PC: variants seen among roughly 807,000 people sequenced by gnomAD.
The protein encoded by PC is pyruvate carboxylase.
PC carries 46 observed loss-of-function variants against 107.8 expected under a neutral mutation model. The observed-to-expected ratio is 0.43, with a 90% confidence interval of 0.34 to 0.55. The LOEUF (loss-of-function observed/expected upper bound fraction) is 0.55, where lower values mean the gene tolerates loss of function less well. Among genes scored for constraint, PC ranks in the 20% least tolerant of loss-of-function variants. The probability of loss-of-function intolerance (pLI) is 0.04; values close to 1 mark genes in which losing one functional copy is unlikely to be tolerated. For missense variants in PC, 1,241 were observed against 1,643.1 expected (o/e 0.76, Z 4.23); for synonymous variants, 662 against 684.7 (o/e 0.97, Z 0.52).
chr11:66,922,185 G>A (rs1167101528), intron 3 of PC, among the ~76,000 whole-genome samples: 1 of 152,206 alleles, frequency 6.6e-6, no homozygotes, highest in Non-Finnish European at 1.5e-5. Context: ...AGAAAGATGA[G>A]GAGACAGCTA....
chr11:66,880,935 C>T (rs560396176), intron 3 of PC, among the ~76,000 whole-genome samples: 1 of 152,330 alleles, frequency 6.6e-6, no homozygotes, highest in South Asian at 2.1e-4. Flanking sequence ...AGAGCCGTTT[C>T]CTGCTCCCTC....
At chr11:66,886,672 G>T (rs1347410031) in intron 3 of PC, among the ~76,000 whole-genome samples, 1 of 152,150 alleles carries the variant, frequency 6.6e-6, no homozygotes, top group African/African-American at 2.4e-5. Context: ...AGCAGGGAAG[G>T]GTGGCCCTGG....
chr11:66,949,200 G>T (rs1949379184), intron 3 of PC, among the ~76,000 whole-genome samples: 1 of 151,046 alleles, frequency 6.6e-6, no homozygotes, highest in Non-Finnish European at 1.5e-5. Flanking sequence ...CACCATGTTG[G>T]CCAGGATGGT....
At chr11:66,891,143 G>T (rs1436800529) in intron 3 of PC, among the ~76,000 whole-genome samples, 1 of 151,808 alleles carries the variant, frequency 6.6e-6, no homozygotes, top group Non-Finnish European at 1.5e-5. Context: ...TGCAACTTCC[G>T]CCTCCCAGGT....
intron 3 of PC, among the ~76,000 whole-genome samples, chr11:66,943,587 TGC>T (rs1949202041): frequency 8.8e-5 from 13 of 147,620 alleles, no homozygotes; most frequent in Admixed American, 8.8e-4. Flanking sequence ...CTACTAAAAA[TGC>T]AAAAAAAAAA....
intron 10 of PC, among the ~76,000 whole-genome samples, chr11:66,867,761 G>A (rs147437536): frequency 1.4e-3 from 219 of 152,356 alleles, no homozygotes; most frequent in African/African-American, 5.1e-3. Context: ...ACCCAAGACC[G>A]AGGAGTTCAC....
intron 3 of PC, among the ~76,000 whole-genome samples, chr11:66,935,220 C>T (rs1375394063): frequency 6.6e-6 from 1 of 152,144 alleles, no homozygotes; most frequent in African/African-American, 2.4e-5. Context: ...ACTGAGAAAA[C>T]GCAGGATTAG....
chr11:66,905,604 C>A (rs751408323), intron 3 of PC, among the ~76,000 whole-genome samples: 2 of 152,148 alleles, frequency 1.3e-5, no homozygotes, highest in Non-Finnish European at 1.5e-5. Context: ...ATACATGCTA[C>A]AAATTAATAA....
rs980024367 is a variant in PC, at chr11:66,850,746, T to A, written c.2401A>T (p.Met801Leu). Reference protein sequence around the residue: ...ADVVDVAADSMSGMTSQPSMG... With the variant: ...ADVVDVAADSLSGMTSQPSMG... ...CTGGGCTGTGAAGTCATCCCAGACA[T>A]GGAATCAGCTGCCACATCCACCACA... is the stretch of plus-strand genomic sequence containing the variant. Residue 801 changes from methionine to leucine, a missense_variant, in exon 18 of 23, where the codon ATG becomes TTG. Transcript: ENST00000393960. 1 of 1,611,262 alleles carries A rather than the reference T, an allele frequency of 6.2e-7. No homozygotes were observed. The highest frequency in any genetic ancestry group is 1.3e-5 in the African/African-American group (1 of 74,886).
Position 66,894,470 on chromosome 11 carries a change from T to C in PC, c.1-22311A>G, listed in dbSNP as rs181678430. Among the ~76,000 whole-genome samples the C allele has an allele frequency of 5.5e-3, 839 of 152,248 alleles. 3 individuals carry two copies. Among genetic ancestry groups the C allele is most frequent in the Non-Finnish European group, 8.3e-3 (564 of 68,006 alleles). On this transcript the variant is annotated intron_variant, in intron 3 of 22. Transcript: ENST00000393960. ...GAAATCCCACTAAGACTTCAGCAAA[T>C]ATATATATATTTTTAAAGCTATGAA... is the stretch of plus-strand genomic sequence containing the variant.
chr11:66,859,378 A>G (rs1436077134), intron 12 of PC, among the ~76,000 whole-genome samples: 1 of 152,058 alleles, frequency 6.6e-6, no homozygotes, highest in Non-Finnish European at 1.5e-5. Flanking sequence ...TCTGAAGCAC[A>G]TGGCCCGCGC....
chr11:66,947,492 C>T (rs573654674), intron 3 of PC, among the ~76,000 whole-genome samples: 26 of 150,592 alleles, frequency 1.7e-4, no homozygotes, highest in Admixed American at 1.1e-3. Context: ...GAGGTTGAGG[C>T]GGAGCTTGCA....
rs370566594 is a variant in PC, at chr11:66,858,422, C to T, written c.1369-5039G>A. The T allele has an allele frequency of 1.8e-5, 28 of 1,555,314 alleles. No individual in the cohort carries two copies. Among genetic ancestry groups the T allele is most frequent in the East Asian group, 2.4e-5 (1 of 42,210 alleles). On this transcript the variant is annotated intron_variant, in intron 12 of 22. Coordinates refer to ENST00000393960, the MANE Select transcript of PC (RefSeq NM_001040716.2). This position sits in a 1 kb window ranked among gnomAD's most constrained non-coding sequence, Gnocchi z 5.9. Reference sequence around the variant, plus strand: ...GTGATGCAGAGGCCTCTCCCGCCCCCCTGGTGCTGAGCTTTAGCGGGAACC... The same window carrying T: ...GTGATGCAGAGGCCTCTCCCGCCCCTCTGGTGCTGAGCTTTAGCGGGAACC...
intron 12 of PC, among the ~76,000 whole-genome samples, chr11:66,862,591 A>C (rs1946317864): frequency 6.6e-6 from 1 of 152,188 alleles, no homozygotes; most frequent in Non-Finnish European, 1.5e-5. Context: ...GGTAACTCCC[A>C]CAGGGGCTGA....
chr11:66,863,208 G>A (rs193119750), intron 12 of PC, among the ~76,000 whole-genome samples: 5 of 152,154 alleles, frequency 3.3e-5, no homozygotes, highest in Admixed American at 3.3e-4. Flanking sequence ...GGCGTGGTGG[G>A]GGGCACCTGT....
At position 66,866,106 on chromosome 11, in the gene PC, A is replaced by G; in HGVS notation, c.1185+81T>C. 6.7e-7 allele frequency: 1 copy of G among 1,502,192 alleles called. No individual in the cohort carries two copies. Among genetic ancestry groups the G allele is most frequent in the African/African-American group, 1.4e-5 (1 of 73,356 alleles). The allele number at this position is 1,502,192 out of a possible 1,614,324, so 93.1% of individuals were successfully genotyped here. A position where few individuals can be genotyped will look rare whatever the true frequency, so the allele number is the denominator to read the frequency against. On this transcript the variant is annotated intron_variant, in intron 11 of 22. Transcript: ENST00000393960. The surrounding 1 kb of genome is among the most constrained non-coding windows in gnomAD (Gnocchi z 5.4). ...CCTCCCTAACTGCCGGGCTGTGGCA[A>G]CTTGGCACTGCAGCCCCAGGCACCA...
intron 3 of PC, among the ~76,000 whole-genome samples, chr11:66,945,423 G>T (rs1949259535): frequency 1.0e-5 from 1 of 97,070 alleles, no homozygotes; most frequent in African/African-American, 4.1e-5. Flanking sequence ...TGGTTTGGGG[G>T]GGCGGGTCGG....
rs752139338 is a variant in PC at position 66,849,861 on chromosome 11, TG to T, written c.2899-3del. ...CACCCTTGGCAGGTCCTTCAGTACC[TG>T]GGGAGCAAAGCAGAGGATCAGTCCC... On this transcript the variant is annotated splice_polypyrimidine_tract_variant and splice_region_variant and intron_variant, in intron 20 of 22. Transcript: ENST00000393960. 2.5e-6 allele frequency: 4 copies of T among 1,613,700 alleles called. No individual in the cohort carries two copies. Among genetic ancestry groups the T allele is most frequent in the Admixed American group, 1.7e-5 (1 of 60,028 alleles).
rs117711892 is a variant in PC at position 66,871,792 on chromosome 11, C to G, written c.216G>C (p.Thr72=). The change falls in exon 5 of 23, where the codon ACG becomes ACC. Residue 72 remains threonine, a synonymous_variant. Transcript: ENST00000393960. This position sits in a 1 kb window ranked among gnomAD's most constrained non-coding sequence, Gnocchi z 7.4. ...CTGCTTTCTGCCGGTGCATCTGGCC[C>G]GTGTCCTGCTCAGAGTAGATGGCTA... ...RTVAIYSEQD[T]GQMHRQKADE... 21 of 1,606,430 alleles carry G rather than the reference C, an allele frequency of 1.3e-5. 1 individual carries two copies. In the South Asian group the frequency reaches 2.3e-4, roughly 18 times the overall value.
Sources: allele counts gnomAD v4.1 joint callset (sites outside exome capture counted in the v4.1 genomes callset), GRCh38; gene constraint gnomAD v4.1.1; non-coding constraint Gnocchi (gnomAD v3.1); transcripts MANE v1.5; gene names NCBI Gene and HGNC (gene_info 2026-07-23, HGNC 2026-07-21).